IQUB: variants seen among roughly 807,000 people sequenced by gnomAD.
IQUB encodes IQ motif and ubiquitin-like domain-containing protein.
In IQUB, 86 loss-of-function variants were observed where a neutral mutation model predicts 86.4. The ratio of observed to expected loss-of-function variants is 1.00; its 90% CI spans 0.84 to 1.19. The LOEUF (loss-of-function observed/expected upper bound fraction) is 1.19, where lower values mean the gene tolerates loss of function less well. Among genes scored for constraint, IQUB ranks in the 50% most tolerant of loss-of-function variants. The pLI is 0.00. For synonymous variants in IQUB, 289 were observed against 304.5 expected, an observed-to-expected ratio of 0.95 and a Z score of 0.53; for missense variants, 946 against 916.9, an observed-to-expected ratio of 1.03 and a Z score of -0.41.
chr7:123,469,458 A>G (rs1316252504), intron 8 of IQUB, 74 bp from the exon 9 acceptor site: 2 of 775,868 alleles, frequency 2.6e-6, no homozygotes, highest in Non-Finnish European at 3.9e-6. Flanking sequence ...CCTTCTACTA[A>G]AAGTCTACCT....
chr7:123,512,461 T>TA (rs1796463914), intron 1 of IQUB, 117 bp from the exon 2 acceptor site: 1 of 543,494 alleles, frequency 1.8e-6, no homozygotes, highest in Non-Finnish European at 3.0e-6. Flanking sequence ...TTGCTCAATT[T>TA]AAAAAAATGT....
chr7:123,472,469 A>G (rs1014022063), intron 8 of IQUB, among the ~76,000 whole-genome samples: 6 of 152,198 alleles, frequency 3.9e-5, no homozygotes, highest in Non-Finnish European at 7.3e-5. Context: ...TAAGAAAATG[A>G]GTAATTAGAA....
intron 7 of IQUB, among the ~76,000 whole-genome samples, chr7:123,492,838 T>C (rs1474561522): frequency 6.6e-6 from 1 of 152,162 alleles, no homozygotes; most frequent in East Asian, 1.9e-4. Context: ...ATCTGCACTC[T>C]AGGTAGCCAC....
intron 8 of IQUB, among the ~76,000 whole-genome samples, chr7:123,477,946 T>A (rs1354535834): frequency 2.0e-5 from 3 of 152,122 alleles, no homozygotes; most frequent in Admixed American, 2.0e-4. Flanking sequence ...AAACAACAGA[T>A]GCTGGAGAGG....
chr7:123,494,013 AAAAC>A lies in IQUB; in HGVS notation c.1234+2679_1234+2682del, dbSNP rs1427119142. Among the ~76,000 whole-genome samples the A allele has an allele frequency of 6.6e-5, 10 of 152,208 alleles. No homozygotes were observed. In the East Asian group the frequency reaches 1.9e-3, roughly 29 times the overall value. ...CTCATGACATAATATTGAATTTTGAAAAACAAACAAAAAATTATATTCTGCATAA... is the reference window on the plus strand; with the variant it reads ...CTCATGACATAATATTGAATTTTGAAAAACAAAAAATTATATTCTGCATAA... On this transcript the variant is annotated intron_variant, in intron 7 of 12. Coordinates refer to ENST00000324698, the MANE Select transcript of IQUB (RefSeq NM_178827.5).
chr7:123,523,577 G>C (rs1797019307), intron 1 of IQUB, among the ~76,000 whole-genome samples: 1 of 151,574 alleles, frequency 6.6e-6, no homozygotes, highest in Admixed American at 6.6e-5. Flanking sequence ...AAATTTGTTT[G>C]AGTTCATTGT....
intron 3 of IQUB, among the ~76,000 whole-genome samples, chr7:123,509,116 T>C (rs1012038366): frequency 1.3e-5 from 2 of 152,220 alleles, no homozygotes; most frequent in Admixed American, 6.5e-5. Flanking sequence ...GGAAACTTTT[T>C]GTGGCATCAT....
At chr7:123,471,087 A>C (rs950645289) in intron 8 of IQUB, among the ~76,000 whole-genome samples, 1 of 152,142 alleles carries the variant, frequency 6.6e-6, no homozygotes, top group African/African-American at 2.4e-5. Context: ...GAAACTTTAG[A>C]TTCTCAGCTC....
chr7:123,509,850 C>T (rs1377865873), intron 3 of IQUB, 51 bp downstream of exon 3: 2 of 1,459,574 alleles, frequency 1.4e-6, no homozygotes, highest in Middle Eastern at 2.4e-4. Flanking sequence ...TGATTGTTTA[C>T]ATGTTAAAAC....
At position 123,453,051 on chromosome 7, in the gene IQUB, G is replaced by A. The variant is rs557104118; in HGVS notation, c.2194-126C>T. The A allele has an allele frequency of 9.3e-5, 64 of 688,564 alleles. No homozygotes were observed. In the African/African-American group the frequency reaches 1.0e-3, roughly 11 times the overall value. 42.7% of individuals were successfully genotyped at this position (688,564 alleles called of 1,614,324 possible). A position where few individuals can be genotyped will look rare whatever the true frequency, so the allele number is the denominator to read the frequency against. On this transcript the variant is annotated intron_variant, in intron 12 of 12. Transcript: ENST00000324698. The stretch of plus-strand genomic sequence containing the variant: ...CCCAGACTACCTTTATTTTTCTCAC[G>A]TTGTCTATCATCATTCACGACTCAG...
At chr7:123,513,249 T>C (rs898170986) in intron 1 of IQUB, among the ~76,000 whole-genome samples, 1 of 152,144 alleles carries the variant, frequency 6.6e-6, no homozygotes, top group African/African-American at 2.4e-5. Context: ...AAAATGGAAA[T>C]ATCTGCAATA....
chr7:123,477,734 C>A (rs550338717), intron 8 of IQUB, among the ~76,000 whole-genome samples: 168 of 152,170 alleles, frequency 1.1e-3, no homozygotes, highest in African/African-American at 3.9e-3. Context: ...AGAACTTAAA[C>A]AAATTTACAA....
In IQUB at chr7:123,468,976, G is replaced by GCTATAC. The variant is rs1179781605; in HGVS notation, c.1581+232_1581+237dup. Among the ~76,000 whole-genome samples the GCTATAC allele has an allele frequency of 2.6e-5, 4 of 152,092 alleles. No individual in the cohort carries two copies. The East Asian group carries it at 7.7e-4, about 29-fold the overall frequency. ...CTGTTTATGTAATTACTAATCTCAT[G>GCTATAC]CTATACTGCATATATTTGCATTCAT... On this transcript the variant is annotated intron_variant, in intron 9 of 12. Coordinates refer to ENST00000324698, the MANE Select transcript of IQUB (RefSeq NM_178827.5).
intron 12 of IQUB, among the ~76,000 whole-genome samples, chr7:123,454,988 A>T (rs182380532): frequency 4.5e-4 from 69 of 152,270 alleles, no homozygotes; most frequent in Non-Finnish European, 7.8e-4. Context: ...GCCCACATTT[A>T]AAGGGTAGAG....
At chr7:123,520,046 T>C (rs1355302910) in intron 1 of IQUB, among the ~76,000 whole-genome samples, 3 of 147,696 alleles carry the variant, frequency 2.0e-5, no homozygotes, top group South Asian at 2.1e-4. Flanking sequence ...GAGACACTTC[T>C]ATGTTTCTAC....
chr7:123,472,279 G>T (rs1159368739), intron 8 of IQUB, among the ~76,000 whole-genome samples: 1 of 151,522 alleles, frequency 6.6e-6, no homozygotes, highest in African/African-American at 2.4e-5. Flanking sequence ...AAGAAATAAA[G>T]AAAGAAAGAG....
At chr7:123,480,905 T>G (rs182499556) in intron 7 of IQUB, among the ~76,000 whole-genome samples, 113 of 152,260 alleles carry the variant, frequency 7.4e-4, no homozygotes, top group African/African-American at 2.6e-3. Context: ...CTGCACAAAC[T>G]TAAATAAATC....
intron 2 of IQUB, among the ~76,000 whole-genome samples, chr7:123,511,731 A>C (rs1796421929): frequency 6.6e-6 from 1 of 152,222 alleles, no homozygotes; most frequent in Non-Finnish European, 1.5e-5. Flanking sequence ...AATGATGCTC[A>C]TTCATTGACG....
chr7:123,502,743 GA>G lies in IQUB; in HGVS notation c.876del (p.Gln293ArgfsTer16). The G allele has an allele frequency of 1.3e-6, 2 of 1,597,268 alleles. No homozygotes were observed. On this transcript the variant is annotated frameshift_variant, in exon 6 of 13. Coordinates refer to ENST00000324698, the MANE Select transcript of IQUB (RefSeq NM_178827.5). LOFTEE classifies it high-confidence loss of function. ...GTAGTTTGTTGGAGATTTTTTTTCT[GA>G]AAAACTGTCTAAAAGAAAACATTAA... Reference protein sequence around the residue: ...SIFCRDTQTVFQKKNLQQTTN... With the variant: ...SIFCRDTQTVXQKKNLQQTTN...
Sources: allele counts gnomAD v4.1 joint callset (sites outside exome capture counted in the v4.1 genomes callset), GRCh38; gene constraint gnomAD v4.1.1; transcripts MANE v1.5; gene names NCBI Gene and HGNC (gene_info 2026-07-23, HGNC 2026-07-21).